Variants in IMMP2L observed in about 807,000 individuals in gnomAD.
IMMP2L encodes mitochondrial inner membrane protease subunit 2.
In IMMP2L, 18 loss-of-function variants were observed where a neutral mutation model predicts 19.3. That is an observed-to-expected ratio of 0.93 (90% CI 0.64 to 1.38). The LOEUF is 1.38. IMMP2L is among the 40% of genes most tolerant of loss of function. The pLI, the probability that IMMP2L is intolerant of heterozygous loss-of-function variation, is 0.00. For synonymous variants in IMMP2L, 76 were observed against 73.0 expected (o/e 1.04, Z -0.21); for missense variants, 233 against 218.2 (o/e 1.07, Z -0.43).
intron 3 of IMMP2L, among the ~76,000 whole-genome samples, chr7:111,117,964 A>T (rs1439525685): frequency 6.6e-6 from 1 of 152,120 alleles, no homozygotes; most frequent in Non-Finnish European, 1.5e-5. Context: ...CATCTAAAAG[A>T]CAGTGGATTT....
intron 5 of IMMP2L, among the ~76,000 whole-genome samples, chr7:110,857,396 C>T (rs111528545): frequency 0.011 from 1,723 of 152,162 alleles, 43 homozygotes; most frequent in African/African-American, 0.04. Flanking sequence ...ACCTGCCCTG[C>T]AGGCTGTCTT....
chr7:111,133,941 A>G (rs957964850), intron 3 of IMMP2L, among the ~76,000 whole-genome samples: 16 of 152,002 alleles, frequency 1.1e-4, no homozygotes, highest in African/African-American at 2.7e-4. Flanking sequence ...TACATCTCCT[A>G]TGAAATTCGT....
chr7:110,736,720 ATC>A (rs1297952073), intron 5 of IMMP2L, among the ~76,000 whole-genome samples: 1 of 152,224 alleles, frequency 6.6e-6, no homozygotes, highest in African/African-American at 2.4e-5. Context: ...AAATGGGAAC[ATC>A]TATTCTATGC....
At chr7:111,098,546 A>G (rs1797638821) in intron 3 of IMMP2L, among the ~76,000 whole-genome samples, 1 of 151,782 alleles carries the variant, frequency 6.6e-6, no homozygotes, top group Admixed American at 6.6e-5. Flanking sequence ...AAACCACATC[A>G]TCTCTCTTAG....
At chr7:111,283,970 CAAAAAAAAAAAAA>C (rs972346409) in intron 3 of IMMP2L, among the ~76,000 whole-genome samples, 1 of 48,618 alleles carries the variant, frequency 2.1e-5, no homozygotes, top group Non-Finnish European at 4.3e-5. Context: ...GACTCCGTCT[CAAAAAAAAAAAAA>C]AAAAAAAAAA....
chr7:111,155,083 G>A (rs1369731786), intron 3 of IMMP2L, among the ~76,000 whole-genome samples: 1 of 151,998 alleles, frequency 6.6e-6, no homozygotes, highest in Non-Finnish European at 1.5e-5. Context: ...AAATTCTGCT[G>A]GGGAGGAGAG....
At chr7:110,668,140 C>T (rs1791591223) in intron 5 of IMMP2L, among the ~76,000 whole-genome samples, 1 of 152,078 alleles carries the variant, frequency 6.6e-6, no homozygotes. Flanking sequence ...CCACCTAACC[C>T]TAGTGATTCT....
At chr7:110,691,352 A>G (rs560067864) in intron 5 of IMMP2L, among the ~76,000 whole-genome samples, 1 of 152,288 alleles carries the variant, frequency 6.6e-6, no homozygotes, top group African/African-American at 2.4e-5. Context: ...TAAGACCTAC[A>G]ACAATAAAAA....
intron 5 of IMMP2L, among the ~76,000 whole-genome samples, chr7:110,722,405 TA>T: frequency 6.6e-6 from 1 of 151,980 alleles, no homozygotes; most frequent in Non-Finnish European, 1.5e-5. Context: ...ACAGGGAAGT[TA>T]AAAAAGTTGC....
chr7:111,504,926 T>G (rs1183694987), intron 2 of IMMP2L, among the ~76,000 whole-genome samples: 1 of 151,800 alleles, frequency 6.6e-6, no homozygotes, highest in Non-Finnish European at 1.5e-5. Flanking sequence ...GGACTTCATG[T>G]CTAAAACACC....
chr7:111,136,795 T>A (rs538250806), intron 3 of IMMP2L, among the ~76,000 whole-genome samples: 8 of 152,304 alleles, frequency 5.3e-5, no homozygotes, highest in Admixed American at 2.0e-4. Flanking sequence ...ACTTAGGAAA[T>A]GCTAAGCATG....
intron 5 of IMMP2L, among the ~76,000 whole-genome samples, chr7:110,706,824 T>C (rs915648390): frequency 6.6e-6 from 1 of 152,102 alleles, no homozygotes; most frequent in African/African-American, 2.4e-5. Flanking sequence ...TAGTTTCTTT[T>C]GCTGTGCAGA....
At position 111,468,702 on chromosome 7, in the gene IMMP2L, T is replaced by C. The variant is rs146207093; in HGVS notation, c.239+18536A>G. On this transcript the variant is annotated intron_variant, in intron 3 of 5. Transcript: ENST00000405709. The stretch of plus-strand genomic sequence containing the variant: ...AAAATGTACTAGAGAAAACATATCA[T>C]AGTCAAAGAAGGAGAGATCTATGTG... Among the ~76,000 whole-genome samples, 466 of 152,182 alleles carry C rather than the reference T, an allele frequency of 3.1e-3. 7 individuals carry two copies. In the South Asian group the frequency reaches 0.042, roughly 14 times the overall value.
chr7:111,016,675 AATAT>A (rs1223663882), intron 3 of IMMP2L, among the ~76,000 whole-genome samples: 1 of 105,922 alleles, frequency 9.4e-6, no homozygotes, highest in East Asian at 2.6e-4. Context: ...AAACATATAT[AATAT>A]ATAAATTATA....
chr7:111,277,155 A>G (rs1431682527), intron 3 of IMMP2L, among the ~76,000 whole-genome samples: 1 of 152,156 alleles, frequency 6.6e-6, no homozygotes, highest in East Asian at 1.9e-4. Context: ...AACAAAAGGA[A>G]CAATCAACAG....
intron 3 of IMMP2L, among the ~76,000 whole-genome samples, chr7:111,413,499 T>C (rs1305260545): frequency 6.7e-6 from 1 of 149,604 alleles, no homozygotes; most frequent in African/African-American, 2.5e-5. Context: ...AAAAAAAAAA[T>C]ACATCATGAT....
intron 5 of IMMP2L, among the ~76,000 whole-genome samples, chr7:110,755,704 G>C (rs1478386908): frequency 6.6e-6 from 1 of 152,086 alleles, no homozygotes; most frequent in Non-Finnish European, 1.5e-5. Context: ...CGGAACTGAG[G>C]AGAAGAAGAT....
At chr7:110,795,890 T>C (rs1247164392) in intron 5 of IMMP2L, among the ~76,000 whole-genome samples, 2 of 152,126 alleles carry the variant, frequency 1.3e-5, no homozygotes, top group South Asian at 2.1e-4. Flanking sequence ...AGGACAGAGA[T>C]AGGTGGTGAT....
chr7:110,983,550 A>G (rs1265477366), intron 3 of IMMP2L, among the ~76,000 whole-genome samples: 2 of 152,108 alleles, frequency 1.3e-5, no homozygotes, highest in African/African-American at 2.4e-5. Context: ...TGCTTTTAAT[A>G]TATATCATTG....
Sources: gnomAD v4.1 joint callset for allele counts (sites outside exome capture counted in the v4.1 genomes callset) on GRCh38, gnomAD v4.1.1 for gene constraint, MANE v1.5 for transcripts, NCBI Gene and HGNC (gene_info 2026-07-23, HGNC 2026-07-21) for gene names.